CELSR3: variants seen among roughly 807,000 people sequenced by gnomAD.
CELSR3 encodes EGF-like protein 1.
A neutral mutation model predicts 270.0 loss-of-function variants in CELSR3; 73 were observed. The ratio of observed to expected loss-of-function variants is 0.27; its 90% CI spans 0.22 to 0.33. The LOEUF (loss-of-function observed/expected upper bound fraction) is 0.33. CELSR3 is among the 10% of genes least tolerant of loss of function. CELSR3 has a pLI of 1.00. For missense variants in CELSR3, 3,614 were observed against 4,533.8 expected (o/e 0.80, Z 5.83); for synonymous variants, 1,780 against 1,905.4 (o/e 0.93, Z 1.71).
rs1418514479 is a variant in CELSR3, at chr3:48,660,355, C to T, written c.2280G>A (p.Glu760=). The change falls in exon 1 of 35, where the codon GAG becomes GAA. Residue 760 remains glutamate (E), a synonymous_variant. Transcript: ENST00000164024. This position sits in a 1 kb window ranked among gnomAD's most constrained non-coding sequence, Gnocchi z 5.5. Reference sequence around the variant, plus strand: ...CATCCTCATTCAGTCGTAGGTGGTACTCCTTCATTGTGAACTCAGGCCGAT... The same window carrying T: ...CATCCTCATTCAGTCGTAGGTGGTATTCCTTCATTGTGAACTCAGGCCGAT... ...NDNRPEFTMK[E]YHLRLNEDAA... is the part of the protein sequence containing the mutation. 1 of 1,614,182 alleles carries T rather than the reference C, an allele frequency of 6.2e-7. No homozygotes were observed. Among genetic ancestry groups the T allele is most frequent in the Non-Finnish European group, 8.5e-7 (1 of 1,180,042 alleles).
rs762515346 is a variant in CELSR3, at chr3:48,640,499, A to T, written c.9086T>A (p.Leu3029Gln). 1.2e-6 allele frequency: 2 copies of T among 1,610,354 alleles called. No individual in the cohort carries two copies. The highest frequency in any genetic ancestry group is 3.3e-5 in the Admixed American group (2 of 59,906). The change falls in exon 34 of 35, where the codon CTG becomes CAG. Residue 3029 changes from leucine (L) to glutamine (Q), a missense_variant. This residue lies in a region of CELSR3 where 1,240 missense variants were observed against 1,351.7 expected (regional missense o/e 0.92). Coordinates refer to ENST00000164024, the MANE Select transcript of CELSR3 (RefSeq NM_001407.3). The surrounding 1 kb of genome is among the most constrained non-coding windows in gnomAD (Gnocchi z 7.5). ...LVPQTRGAPE[L>Q]SWCRAATLGH... ...CAAGGTGGCTGCACGGCACCAGGAC[A>T]GCTCAGGGGCACCTCGGGTCTGTGG...
At position 48,643,557 on chromosome 3, in the gene CELSR3, G is replaced by A. The variant is rs555427280; in HGVS notation, c.8286C>T (p.Leu2762=). ...FHYLHAGLCG[L]QGLAVLLLFC... ...AAGGGAGGGGCACCAGAGTCACCTG[G>A]AGGCCGCAGAGTCCAGCATGGAGGT... Residue 2762 remains leucine (L), a synonymous_variant, in exon 28 of 35, where the codon CTC becomes CTT. Coordinates refer to ENST00000164024, the MANE Select transcript of CELSR3 (RefSeq NM_001407.3). The A allele has an allele frequency of 1.1e-5, 17 of 1,550,170 alleles. 1 individual carries two copies. The East Asian group carries it at 3.4e-4, about 31-fold the overall frequency.
rs747006480 is a variant in CELSR3, at chr3:48,646,230, G to T, written c.7323C>A (p.Ser2441=). Residue 2441 remains serine (S), a synonymous_variant, in exon 22 of 35, where the codon TCC becomes TCA. Transcript: ENST00000164024. The surrounding 1 kb of genome is among the most constrained non-coding windows in gnomAD (Gnocchi z 4.8). ...ARLPQNPVMN[S]PVVSVAVFHG... ...GGAACACAGCCACGCTGACCACCGG[G>T]GAGTTCATGACGGGGTTCTGAGGAA... 1 of 1,612,332 alleles carries T rather than the reference G, an allele frequency of 6.2e-7. No individual in the cohort carries two copies.
rs1452167922 is a variant in CELSR3 at position 48,645,141 on chromosome 3, C to T, written c.7866G>A (p.Val2622=). The change falls in exon 25 of 35, where the codon GTG becomes GTA. Residue 2622 remains valine (V), a synonymous_variant. Coordinates refer to ENST00000164024, the MANE Select transcript of CELSR3 (RefSeq NM_001407.3). This position sits in a 1 kb window ranked among gnomAD's most constrained non-coding sequence, Gnocchi z 5.4. ...FFLSTFAWLF[V]QGLHLYRMQV... ...GCATGCGGTAGAGGTGCAGCCCCTG[C>T]ACGAAGAGCCACGCGAAGGTGCTGA... 3 of 1,600,496 alleles carry T rather than the reference C, an allele frequency of 1.9e-6. No homozygotes were observed. In the Admixed American group the frequency reaches 5.0e-5, roughly 27 times the overall value.
intron 20 of CELSR3, 89 bp from the exon 21 acceptor site, chr3:48,647,017 T>C: frequency 7.8e-7 from 1 of 1,284,350 alleles, no homozygotes; most frequent in Middle Eastern, 1.9e-4. Context: ...AGCATGGGGG[T>C]CTCTTCCCTG....
Position 48,655,510 on chromosome 3 carries a change from C to G in CELSR3, c.4742-116G>C. 1 of 1,063,548 alleles carries G rather than the reference C, an allele frequency of 9.4e-7. No individual in the cohort carries two copies. Among genetic ancestry groups the G allele is most frequent in the Admixed American group, 1.9e-5 (1 of 52,336 alleles). 65.9% of individuals were successfully genotyped at this position (1,063,548 alleles called of 1,614,324 possible). ...TGGATGCATCAGATCAGTCCCCCCACTGGTGACCACAATGGCTGGCTCAGA... is the reference window on the plus strand; with the variant it reads ...TGGATGCATCAGATCAGTCCCCCCAGTGGTGACCACAATGGCTGGCTCAGA... On this transcript the variant is annotated intron_variant, in intron 4 of 34. Transcript: ENST00000164024. The surrounding 1 kb of genome is among the most constrained non-coding windows in gnomAD (Gnocchi z 5.8).
In CELSR3 at chr3:48,651,392, G is replaced by T; in HGVS notation, c.6153C>A (p.Asn2051Lys). 2 of 1,614,122 alleles carry T rather than the reference G, an allele frequency of 1.2e-6. No individual in the cohort carries two copies. Among genetic ancestry groups the T allele is most frequent in the Non-Finnish European group, 8.5e-7 (1 of 1,179,970 alleles). The change falls in exon 14 of 35, where the codon AAC (asparagine) becomes AAA (lysine). Residue 2051 changes from asparagine to lysine, a missense_variant. Asn to Lys is a moderately conservative substitution (Grantham distance 94). This residue lies in a region of CELSR3 where 1,331 missense variants were observed against 1,933.7 expected (regional missense o/e 0.69). Coordinates refer to ENST00000164024, the MANE Select transcript of CELSR3 (RefSeq NM_001407.3). The surrounding 1 kb of genome is among the most constrained non-coding windows in gnomAD (Gnocchi z 7.4). Reference protein sequence around the residue: ...NCDVHKGFDPNCNKTNGQCHC... With the variant: ...NCDVHKGFDPKCNKTNGQCHC... ...GACACTGCCCATTTGTCTTGTTGCA[G>T]TTGGGATCAAAACCTTTGTGAACAT...
In CELSR3 at chr3:48,660,357, C is replaced by T. The variant is rs1274838828; in HGVS notation, c.2278G>A (p.Glu760Lys). The T allele has an allele frequency of 6.2e-7, 1 of 1,614,126 alleles. No individual in the cohort carries two copies. The highest frequency in any genetic ancestry group is 8.5e-7 in the Non-Finnish European group (1 of 1,180,034). Residue 760 changes from glutamate to lysine, a missense_variant, in exon 1 of 35, where the codon GAG becomes AAG. This residue lies in a region of CELSR3 where 215 missense variants were observed against 241.2 expected (regional missense o/e 0.89). Coordinates refer to ENST00000164024, the MANE Select transcript of CELSR3 (RefSeq NM_001407.3). This position sits in a 1 kb window ranked among gnomAD's most constrained non-coding sequence, Gnocchi z 5.5. ...TCCTCATTCAGTCGTAGGTGGTACTCCTTCATTGTGAACTCAGGCCGATTG... is the reference window on the plus strand; with the variant it reads ...TCCTCATTCAGTCGTAGGTGGTACTTCTTCATTGTGAACTCAGGCCGATTG... ...NDNRPEFTMK[E>K]YHLRLNEDAA...
Position 48,640,636 on chromosome 3 carries a change from G to T in CELSR3, c.9026-77C>A. The T allele has an allele frequency of 1.4e-6, 2 of 1,421,010 alleles. No homozygotes were observed. The highest frequency in any genetic ancestry group is 1.9e-6 in the Non-Finnish European group (2 of 1,069,640). The allele number at this position is 1,421,010 out of a possible 1,614,324, so 88.0% of individuals were successfully genotyped here. A position where few individuals can be genotyped will look rare whatever the true frequency, so the allele number is the denominator to read the frequency against. On this transcript the variant is annotated intron_variant, in intron 33 of 34. Coordinates refer to ENST00000164024, the MANE Select transcript of CELSR3 (RefSeq NM_001407.3). The surrounding 1 kb of genome is among the most constrained non-coding windows in gnomAD (Gnocchi z 7.5). ...GGCAGGAATTGCTGAGTCTAGGGGT[G>T]TGGCAGCCCTTGGGATCCTTCCAAC...
rs772422666 is a variant in CELSR3, at chr3:48,641,324, C to CGCA, written c.9024_9025insTGC (p.Lys3008_Gly3009insCys). 8.7e-6 allele frequency: 14 copies of CGCA among 1,602,596 alleles called. No homozygotes were observed. Among genetic ancestry groups the CGCA allele is most frequent in the Non-Finnish European group, 9.4e-6 (11 of 1,171,570 alleles). On this transcript the variant is annotated inframe_insertion and splice_region_variant, in exon 33 of 35. Transcript: ENST00000164024. This position sits in a 1 kb window ranked among gnomAD's most constrained non-coding sequence, Gnocchi z 4.8. ...GTGGGCCAGGGCTCAGGGACTGTACCTTTCCTCTGGCGCTGGGCCCGGCCC... is the reference window on the plus strand; with the variant it reads ...GTGGGCCAGGGCTCAGGGACTGTACCGCATTTCCTCTGGCGCTGGGCCCGGCCC...
In CELSR3 at chr3:48,644,932, A is replaced by ATTGGGGT. The variant is rs1296852338; in HGVS notation, c.7972+102_7972+103insACCCCAA. ...TGAGGGCAGAGCAGCAACCCCATGA[A>ATTGGGGT]TAGATGGCTTGGGGTTTGAGGTTGG... On this transcript the variant is annotated intron_variant, in intron 25 of 34. Coordinates refer to ENST00000164024, the MANE Select transcript of CELSR3 (RefSeq NM_001407.3). The surrounding 1 kb of genome is among the most constrained non-coding windows in gnomAD (Gnocchi z 4.8). 2.3e-5 allele frequency: 35 copies of ATTGGGGT among 1,512,524 alleles called. No homozygotes were observed. The highest frequency in any genetic ancestry group is 2.9e-5 in the Non-Finnish European group (32 of 1,102,720). The allele number at this position is 1,512,524 out of a possible 1,614,324, so 93.7% of individuals were successfully genotyped here.
rs773939718 is a variant in CELSR3, at chr3:48,661,572, C to T, written c.1063G>A (p.Gly355Ser). Residue 355 changes from glycine to serine, a missense_variant, in exon 1 of 35, where the codon GGC becomes AGC. Coordinates refer to ENST00000164024, the MANE Select transcript of CELSR3 (RefSeq NM_001407.3). ...GAGTAGACTAGGCGCCCGGCCTCGC[C>T]GGCGTCCGGGTCCTGAGCAACCACG... ...LRVVAQDPDA[G>S]EAGRLVYSLA... The T allele has an allele frequency of 6.6e-5, 106 of 1,608,672 alleles. No homozygotes were observed. Among genetic ancestry groups the T allele is most frequent in the Non-Finnish European group, 8.6e-5 (101 of 1,178,962 alleles).
Position 48,640,374 on chromosome 3 carries a change from G to C in CELSR3, c.9211C>G (p.Gln3071Glu), listed in dbSNP as rs756567140. The change falls in exon 34 of 35, where the codon CAG (glutamine) becomes GAG (glutamate). Residue 3071 changes from glutamine (Q) to glutamate (E), a missense_variant. This residue lies in a region of CELSR3 where 1,240 missense variants were observed against 1,351.7 expected (regional missense o/e 0.92). Coordinates refer to ENST00000164024, the MANE Select transcript of CELSR3 (RefSeq NM_001407.3). This position sits in a 1 kb window ranked among gnomAD's most constrained non-coding sequence, Gnocchi z 7.5. The stretch of plus-strand genomic sequence containing the variant: ...TGCCGCCGGAGGAGCAGGTCCAGCT[G>C]TTCTCTAGAAGAGTAGCGGCTGGCT... ...QPASRYSSRE[Q>E]LDLLLRRQLS... is the part of the protein sequence containing the mutation. 6.2e-7 allele frequency: 1 copy of C among 1,612,612 alleles called. No individual in the cohort carries two copies. Among genetic ancestry groups the C allele is most frequent in the Admixed American group, 1.7e-5 (1 of 59,996 alleles).
Position 48,659,844 on chromosome 3 carries a change from T to C in CELSR3, c.2791A>G (p.Ile931Val). 2 of 1,614,228 alleles carry C rather than the reference T, an allele frequency of 1.2e-6. No homozygotes were observed. The highest frequency in any genetic ancestry group is 1.7e-6 in the Non-Finnish European group (2 of 1,180,036). Residue 931 changes from isoleucine to valine, a missense_variant, in exon 1 of 35, where the codon ATC becomes GTC. Coordinates refer to ENST00000164024, the MANE Select transcript of CELSR3 (RefSeq NM_001407.3). This position sits in a 1 kb window ranked among gnomAD's most constrained non-coding sequence, Gnocchi z 8.1. ...GGGATGCCATTGTCCCGAGCTGTGA[T>C]AGCCAGGGTGTAGGTCACCTGGTCC... The part of the protein sequence containing the change: ...YEDQVTYTLA[I>V]TARDNGIPQK...
In CELSR3 at chr3:48,660,714, C is replaced by G. The variant is rs1189616056; in HGVS notation, c.1921G>C (p.Val641Leu). Reference sequence around the variant, plus strand: ...GGAATGTGGTCATTGATGTCCACCACCTGGATGCTGGCCAGGCCCGTGTTG... The same window carrying G: ...GGAATGTGGTCATTGATGTCCACCAGCTGGATGCTGGCCAGGCCCGTGTTG... ...SNNTGLASIQ[V>L]VDINDHIPIF... Residue 641 changes from valine to leucine, a missense_variant, in exon 1 of 35, where the codon GTG (valine) becomes CTG (leucine). Around this residue, in one of 7 missense-constraint regions of CELSR3, gnomAD observed 354 missense variants for 500.9 expected, o/e 0.71. Coordinates refer to ENST00000164024, the MANE Select transcript of CELSR3 (RefSeq NM_001407.3). The surrounding 1 kb of genome is among the most constrained non-coding windows in gnomAD (Gnocchi z 5.5). The G allele has an allele frequency of 6.2e-7, 1 of 1,614,116 alleles. No homozygotes were observed. The highest frequency in any genetic ancestry group is 1.7e-5 in the Admixed American group (1 of 60,036).
In CELSR3 at chr3:48,655,285, G is replaced by A. The variant is rs1464478478; in HGVS notation, c.4830+21C>T. On this transcript the variant is annotated intron_variant, in intron 5 of 34. Transcript: ENST00000164024. The surrounding 1 kb of genome is among the most constrained non-coding windows in gnomAD (Gnocchi z 5.8). The stretch of plus-strand genomic sequence containing the variant: ...CAGCATCCCAACTCCCCTCATACCC[G>A]ATGCCAGGGATGGCCCCCACCTTGT... 9 of 1,613,940 alleles carry A rather than the reference G, an allele frequency of 5.6e-6. No homozygotes were observed. The highest frequency in any genetic ancestry group is 2.2e-5 in the South Asian group (2 of 91,082).
In CELSR3 at chr3:48,645,812, C is replaced by A. The variant is rs370732368; in HGVS notation, c.7520G>T (p.Gly2507Val). ...ARDCELVHRN[G>V]SHARCRCSRT... ...GCTGCAGCGACACCGTGCGTGGGAC[C>A]CATTCCTGTGCACCAGCTCGCAGTC... The change falls in exon 23 of 35, where the codon GGG becomes GTG. Residue 2507 changes from glycine (G) to valine (V), a missense_variant. Coordinates refer to ENST00000164024, the MANE Select transcript of CELSR3 (RefSeq NM_001407.3). The surrounding 1 kb of genome is among the most constrained non-coding windows in gnomAD (Gnocchi z 5.4). The A allele has an allele frequency of 6.2e-7, 1 of 1,611,520 alleles. No individual in the cohort carries two copies. Among genetic ancestry groups the A allele is most frequent in the African/African-American group, 1.3e-5 (1 of 74,926 alleles).
Position 48,640,766 on chromosome 3 carries a change from G to A in CELSR3, c.9026-207C>T, listed in dbSNP as rs1192746201. On this transcript the variant is annotated intron_variant, in intron 33 of 34. Transcript: ENST00000164024. The surrounding 1 kb of genome is among the most constrained non-coding windows in gnomAD (Gnocchi z 7.5). Reference sequence around the variant, plus strand: ...AGAGTGGAAGGGCAGTCATCTTCCAGTTGTGGTCCCGGGGCAGGGGGAGGG... The same window carrying A: ...AGAGTGGAAGGGCAGTCATCTTCCAATTGTGGTCCCGGGGCAGGGGGAGGG... 7 of 545,220 alleles carry A rather than the reference G, an allele frequency of 1.3e-5. No homozygotes were observed. The highest frequency in any genetic ancestry group is 2.2e-5 in the Non-Finnish European group (7 of 312,076). The allele number at this position is 545,220 out of a possible 1,614,324, so 33.8% of individuals were successfully genotyped here. A position where few individuals can be genotyped will look rare whatever the true frequency, so the allele number is the denominator to read the frequency against.
chr3:48,642,677 T>C lies in CELSR3; in HGVS notation c.8555+59A>G, dbSNP rs2047039656. The stretch of plus-strand genomic sequence containing the variant: ...CCCTAGGACCTGGTCAGCCAAGCCC[T>C]GGTAAGGTGGGGCTGGACTAAGCTG... On this transcript the variant is annotated intron_variant, in intron 30 of 34. Transcript: ENST00000164024. This position sits in a 1 kb window ranked among gnomAD's most constrained non-coding sequence, Gnocchi z 6.1. The C allele has an allele frequency of 6.4e-7, 1 of 1,566,946 alleles. No homozygotes were observed. Among genetic ancestry groups the C allele is most frequent in the Non-Finnish European group, 8.6e-7 (1 of 1,159,786 alleles).
Sources: allele counts gnomAD v4.1 joint callset, GRCh38; gene constraint gnomAD v4.1.1; regional missense constraint gnomAD v4.1.1; non-coding constraint Gnocchi (gnomAD v3.1); transcripts MANE v1.5; gene names NCBI Gene and HGNC (gene_info 2026-07-23, HGNC 2026-07-21).